Variants in CYBB observed in about 807,000 individuals in gnomAD.
CYBB encodes the protein cytochrome b-245 beta chain.
Under a neutral mutation model 46.5 loss-of-function variants are expected in CYBB, and 5 were observed. The ratio of observed to expected loss-of-function variants is 0.11; its 90% CI spans 0.06 to 0.23. The LOEUF is 0.23. CYBB is among the 10% of genes least tolerant of loss of function. The pLI is 1.00. For synonymous variants in CYBB, 183 were observed against 156.7 expected, an observed-to-expected ratio of 1.17 and a Z score of -1.26; for missense variants, 307 against 428.3, an observed-to-expected ratio of 0.72 and a Z score of 2.50.
At chrX:37,794,649 G>T (rs1419058584) in intron 5 of CYBB, among the ~76,000 whole-genome samples, 2 of 111,273 alleles carry the variant, frequency 1.8e-5, no homozygotes, top group Non-Finnish European at 3.8e-5. Flanking sequence ...AAGCACATGT[G>T]CACTGGGAGT....
intron 11 of CYBB, among the ~76,000 whole-genome samples, chrX:37,807,170 T>C (rs1556471995): frequency 9.0e-6 from 1 of 110,856 alleles, no homozygotes; most frequent in African/African-American, 3.3e-5. Context: ...AAACTAACTA[T>C]GATGTTTATT....
At chrX:37,792,661 T>G (rs1286105712) in intron 4 of CYBB, among the ~76,000 whole-genome samples, 1 of 110,798 alleles carries the variant, frequency 9.0e-6, no homozygotes, top group East Asian at 2.8e-4. Context: ...ATTCCACTAA[T>G]TCACTCAACA....
intron 8 of CYBB, among the ~76,000 whole-genome samples, chrX:37,802,939 T>C (rs188694836): frequency 1.6e-4 from 18 of 112,315 alleles, no homozygotes; most frequent in African/African-American, 5.8e-4. Flanking sequence ...CTCTTCACTG[T>C]GTTCTATTTT....
chrX:37,800,079 A>G (rs1391292332), intron 7 of CYBB, among the ~76,000 whole-genome samples: 2 of 111,383 alleles, frequency 1.8e-5, no homozygotes, highest in African/African-American at 3.3e-5. Context: ...GCTCCACTAC[A>G]TGCAGACATC....
At chrX:37,806,270 T>G (rs1929557962) in intron 10 of CYBB, 117 bp from the exon 11 acceptor site, 1 of 775,814 alleles carries the variant, frequency 1.3e-6, no homozygotes, top group Non-Finnish European at 2.0e-6. Flanking sequence ...AAAATCTATG[T>G]TTCTAGGCAT....
intron 11 of CYBB, among the ~76,000 whole-genome samples, chrX:37,807,244 G>T (rs1253948800): frequency 9.1e-6 from 1 of 109,433 alleles, no homozygotes; most frequent in African/African-American, 3.3e-5. Flanking sequence ...GGTTTTATCA[G>T]GATATAACAC....
chrX:37,809,388 CGAAGTCTCCCTTTCTA>C (rs1569480326), intron 11 of CYBB, among the ~76,000 whole-genome samples, 163 bp from the exon 12 acceptor site: 1 of 112,134 alleles, frequency 8.9e-6, no homozygotes, highest in African/African-American at 3.2e-5. Context: ...ATTTATACTT[CGAAGTCTCCCTTTCTA>C]GACTGTAAAT....
At chrX:37,788,604 C>T (rs984740139) in intron 3 of CYBB, among the ~76,000 whole-genome samples, 1 of 111,378 alleles carries the variant, frequency 9.0e-6, no homozygotes, top group Non-Finnish European at 1.9e-5. Context: ...ATTTGAGGGA[C>T]TAACTATGAT....
intron 2 of CYBB, 143 bp from the exon 3 acceptor site, chrX:37,783,347 A>T: frequency 2.0e-6 from 1 of 491,405 alleles, no homozygotes; most frequent in Admixed American, 3.0e-5. Flanking sequence ...CTAAAGGAAA[A>T]CCGTTGGCTC....
rs1556471708 is a variant in CYBB, at chrX:37,806,527, G to T, written c.1455G>T (p.Glu485Asp). 1 of 1,210,204 alleles carries T rather than the reference G, an allele frequency of 8.3e-7. No individual in the cohort carries two copies. The change falls in exon 11 of 13, where the codon GAG becomes GAT. Residue 485 changes from glutamate to aspartate, a missense_variant. Glu to Asp is a conservative substitution (Grantham distance 45, BLOSUM62 2). This residue lies in a region of CYBB where 122 missense variants were observed against 208.3 expected (regional missense o/e 0.59). Coordinates refer to ENST00000378588, the MANE Select transcript of CYBB (RefSeq NM_000397.4). ...ACATCTACCTCACTGGCTGGGATGA[G>T]TCTCAGGTAAGGACAAGACTCCAAG... ...SYNIYLTGWD[E>D]SQANHFAVHH...
In CYBB at chrX:37,813,022, G is replaced by A. The variant is rs946407064; in HGVS notation, c.*2105G>A. On this transcript the variant is annotated 3_prime_UTR_variant, in exon 13 of 13. Coordinates refer to ENST00000378588, the MANE Select transcript of CYBB (RefSeq NM_000397.4). The stretch of plus-strand genomic sequence containing the variant: ...TAAAACCAGCTTCATTTGTTGCTCC[G>A]AGAGTGTTTCTCCAAGGTTTTCTAT... 5.4e-5 allele frequency: 6 copies of A among 111,441 alleles called. No homozygotes were observed. Among genetic ancestry groups the A allele is most frequent in the Admixed American group, 2.9e-4 (3 of 10,478 alleles). The allele number at this position is 111,441 out of a possible 1,213,427, so 9.2% of individuals were successfully genotyped here.
intron 3 of CYBB, among the ~76,000 whole-genome samples, chrX:37,788,848 A>G (rs1300549948): frequency 1.8e-5 from 2 of 111,871 alleles, no homozygotes; most frequent in East Asian, 2.8e-4. Context: ...ACAAATTACC[A>G]CAATAACTTA....
At chrX:37,793,501 G>A (rs1929238796) in intron 4 of CYBB, among the ~76,000 whole-genome samples, 164 bp from the exon 5 acceptor site, 1 of 110,500 alleles carries the variant, frequency 9.0e-6, no homozygotes, top group Non-Finnish European at 1.9e-5. Context: ...GAATTGCCTT[G>A]TCTCCTTGGT....
intron 7 of CYBB, among the ~76,000 whole-genome samples, chrX:37,800,544 C>A (rs1556469614): frequency 9.0e-6 from 1 of 111,239 alleles, no homozygotes; most frequent in African/African-American, 3.3e-5. Context: ...ATATTGCTGT[C>A]TAAAATTCTT....
At position 37,809,707 on chromosome X, in the gene CYBB, C is replaced by T; in HGVS notation, c.1586+16C>T. Reference sequence around the variant, plus strand: ...AACACCCTAAGTAAGGAGTCTGTCACCAAGATGTTTTTGAGGCTTGCATCT... The same window carrying T: ...AACACCCTAAGTAAGGAGTCTGTCATCAAGATGTTTTTGAGGCTTGCATCT... On this transcript the variant is annotated intron_variant, in intron 12 of 12. Coordinates refer to ENST00000378588, the MANE Select transcript of CYBB (RefSeq NM_000397.4). 8.3e-7 allele frequency: 1 copy of T among 1,208,028 alleles called. No homozygotes were observed. Among genetic ancestry groups the T allele is most frequent in the Non-Finnish European group, 1.1e-6 (1 of 893,239 alleles).
chrX:37,793,891 C>T, intron 5 of CYBB, 81 bp downstream of exon 5: 2 of 964,968 alleles, frequency 2.1e-6, no homozygotes, highest in Non-Finnish European at 2.9e-6. Context: ...AAGACCTCTC[C>T]TTTGCCAAAA....
At chrX:37,788,461 A>T (rs1304304655) in intron 3 of CYBB, among the ~76,000 whole-genome samples, 1 of 112,040 alleles carries the variant, frequency 8.9e-6, no homozygotes, top group Non-Finnish European at 1.9e-5. Context: ...TAAGTACATG[A>T]CATACTGTTT....
intron 2 of CYBB, among the ~76,000 whole-genome samples, 154 bp downstream of exon 2, chrX:37,782,337 C>G (rs1474709837): frequency 1.8e-5 from 2 of 112,401 alleles, no homozygotes; most frequent in Non-Finnish European, 3.8e-5. Context: ...TCCTGGGCAA[C>G]AGTCACTTAA....
chrX:37,780,403 T>C (rs1405790644), intron 1 of CYBB, among the ~76,000 whole-genome samples: 3 of 111,538 alleles, frequency 2.7e-5, no homozygotes, highest in Non-Finnish European at 5.7e-5. Flanking sequence ...ATGCTAATGA[T>C]CTCTGATTCT....
Sources: gnomAD v4.1 joint callset for allele counts (sites outside exome capture counted in the v4.1 genomes callset) on GRCh38, gnomAD v4.1.1 for gene constraint, gnomAD v4.1.1 regional missense constraint, MANE v1.5 for transcripts, NCBI Gene and HGNC (gene_info 2026-07-23, HGNC 2026-07-21) for gene names.